The following OSBPL10 variants were observed in gnomAD, a reference collection of about 807,000 sequenced individuals.
OSBPL10 encodes oxysterol-binding protein-related protein 10.
In OSBPL10, 49 loss-of-function variants were observed where a neutral mutation model predicts 81.7. The observed-to-expected ratio is 0.60, with a 90% CI of 0.48 to 0.76. The LOEUF (loss-of-function observed/expected upper bound fraction) is 0.76. Among genes scored for constraint, OSBPL10 ranks in the 30% least tolerant of loss-of-function variants. OSBPL10 has a pLI of 0.00. For synonymous variants in OSBPL10, 419 were observed against 383.6 expected (o/e 1.09, Z -1.08); for missense variants, 923 against 987.8 (o/e 0.93, Z 0.88).
chr3:31,822,913 T>TAAAAAAAAAAAAAAAA (rs71097447), intron 4 of OSBPL10, among the ~76,000 whole-genome samples: 9 of 89,090 alleles, frequency 1.0e-4, no homozygotes, highest in South Asian at 4.8e-4. Flanking sequence ...CCCCCAACTC[T>TAAAAAAAAAAAAAAAA]AAAAAAAAAA....
chr3:31,882,856 C>T (rs1440590856), intron 1 of OSBPL10, among the ~76,000 whole-genome samples: 1 of 152,154 alleles, frequency 6.6e-6, no homozygotes, highest in Non-Finnish European at 1.5e-5. Flanking sequence ...CAGCTGCTAG[C>T]CTTACATTAA....
At chr3:31,989,677 A>G in intron 2 of OSBPL10, 1 of 1,614,054 alleles carries the variant, frequency 6.2e-7, no homozygotes, top group South Asian at 1.1e-5. Flanking sequence ...TTCTAGGCCC[A>G]AAATCCATAT....
intron 8 of OSBPL10, among the ~76,000 whole-genome samples, chr3:31,678,929 C>A (rs949031938): frequency 6.6e-6 from 1 of 151,994 alleles, no homozygotes; most frequent in African/African-American, 2.4e-5. Context: ...CTTCACTCAG[C>A]CAACACAGGG....
intron 1 of OSBPL10, among the ~76,000 whole-genome samples, chr3:31,972,555 C>G (rs1336939526): frequency 1.4e-5 from 2 of 147,790 alleles, no homozygotes; most frequent in Non-Finnish European, 2.9e-5. Flanking sequence ...CATCAGTCAC[C>G]TAATCTACTC....
intron 3 of OSBPL10, among the ~76,000 whole-genome samples, chr3:31,838,506 G>T (rs1330979507): frequency 1.3e-5 from 1 of 75,278 alleles, no homozygotes; most frequent in African/African-American, 6.5e-5. Context: ...GCAAGACTCT[G>T]TCAAAAAAAA....
intron 3 of OSBPL10, among the ~76,000 whole-genome samples, chr3:31,843,438 C>G (rs929883020): frequency 6.6e-6 from 1 of 152,182 alleles, no homozygotes; most frequent in Non-Finnish European, 1.5e-5. Context: ...TCCTCTCTTT[C>G]CATATTTTGT....
chr3:32,018,947 A>G (rs1363869005), intron 2 of OSBPL10, among the ~76,000 whole-genome samples: 1 of 152,170 alleles, frequency 6.6e-6, no homozygotes, highest in African/African-American at 2.4e-5. Flanking sequence ...AAGGTGGAGG[A>G]AAGATTCACA....
chr3:31,758,135 AC>A (rs1335969166), intron 4 of OSBPL10, among the ~76,000 whole-genome samples: 3 of 152,066 alleles, frequency 2.0e-5, no homozygotes, highest in African/African-American at 7.2e-5. Flanking sequence ...CCTTCCCCTC[AC>A]CCTTCTTAAT....
chr3:31,852,125 T>C (rs550892568), intron 3 of OSBPL10, among the ~76,000 whole-genome samples: 45 of 152,204 alleles, frequency 3.0e-4, no homozygotes, highest in Admixed American at 4.6e-4. Context: ...GCCCTAGCCA[T>C]GTGGCCATTT....
At chr3:32,005,487 A>C (rs1699195708) in intron 2 of OSBPL10, among the ~76,000 whole-genome samples, 1 of 152,134 alleles carries the variant, frequency 6.6e-6, no homozygotes, top group Admixed American at 6.6e-5. Flanking sequence ...GAGTAGGCTA[A>C]ATAAGTCATG....
At chr3:31,752,034 T>G (rs541241125) in intron 4 of OSBPL10, among the ~76,000 whole-genome samples, 4 of 152,266 alleles carry the variant, frequency 2.6e-5, no homozygotes, top group South Asian at 2.1e-4. Context: ...TAAGGGCACA[T>G]GTGAGAAGAT....
intron 4 of OSBPL10, among the ~76,000 whole-genome samples, chr3:31,821,121 G>GC (rs1461959786): frequency 1.3e-5 from 2 of 152,018 alleles, no homozygotes; most frequent in African/African-American, 4.8e-5. Flanking sequence ...ACCCAGCCAT[G>GC]CCGTGCTCCC....
intron 4 of OSBPL10, among the ~76,000 whole-genome samples, chr3:31,819,384 G>A (rs1335236830): frequency 2.0e-5 from 3 of 152,230 alleles, no homozygotes; most frequent in Non-Finnish European, 2.9e-5. Flanking sequence ...AAGGTAAGAA[G>A]TTGTGATATT....
chr3:31,878,908 G>A (rs868524430), intron 2 of OSBPL10, among the ~76,000 whole-genome samples: 4 of 151,680 alleles, frequency 2.6e-5, no homozygotes, highest in South Asian at 4.2e-4. Flanking sequence ...TAGAAGAAAA[G>A]TGGCAGAAGA....
intron 3 of OSBPL10, among the ~76,000 whole-genome samples, chr3:31,843,529 G>A (rs1282352971): frequency 2.0e-5 from 3 of 152,180 alleles, no homozygotes. Context: ...TGCCTTCTGG[G>A]AGAACCCATC....
chr3:31,782,987 T>C (rs1698736289), intron 4 of OSBPL10, among the ~76,000 whole-genome samples: 1 of 151,912 alleles, frequency 6.6e-6, no homozygotes, highest in Non-Finnish European at 1.5e-5. Context: ...CACTTGCACA[T>C]GTATGTTTAT....
chr3:31,783,418 G>C (rs374941059), intron 4 of OSBPL10, among the ~76,000 whole-genome samples: 1 of 151,932 alleles, frequency 6.6e-6, no homozygotes, highest in East Asian at 1.9e-4. Context: ...CACTGCTCAG[G>C]TGATGCGTGT....
intron 4 of OSBPL10, among the ~76,000 whole-genome samples, chr3:31,824,472 A>G (rs777496954): frequency 1.3e-5 from 2 of 152,208 alleles, no homozygotes; most frequent in Admixed American, 6.5e-5. Flanking sequence ...TCGTTCTTCA[A>G]CGCACTGAAG....
chr3:31,902,258 ATTTTTTT>A (rs574112153), intron 1 of OSBPL10, among the ~76,000 whole-genome samples: 3 of 117,958 alleles, frequency 2.5e-5, no homozygotes, highest in African/African-American at 3.3e-5. Context: ...TCTTGTCAGT[ATTTTTTT>A]TTTTTTTTTT....
Sources: gnomAD v4.1 joint callset for allele counts (sites outside exome capture counted in the v4.1 genomes callset) on GRCh38, gnomAD v4.1.1 for gene constraint, MANE v1.5 for transcripts, NCBI Gene and HGNC (gene_info 2026-07-23, HGNC 2026-07-21) for gene names.